The following TRIP4 variants were observed in gnomAD, a reference collection of about 807,000 sequenced individuals.
The protein encoded by TRIP4 is thyroid hormone receptor interactor 4.
A neutral mutation model predicts 81.8 loss-of-function variants in TRIP4; 54 were observed. The observed-to-expected ratio is 0.66, with a 90% CI of 0.53 to 0.83. The LOEUF is 0.83. Among genes scored for constraint, TRIP4 ranks in the 40% least tolerant of loss-of-function variants. The pLI is 0.00. For synonymous variants in TRIP4, 270 were observed against 242.8 expected, an observed-to-expected ratio of 1.11 and a Z score of -1.04; for missense variants, 662 against 683.6, an observed-to-expected ratio of 0.97 and a Z score of 0.35.
Position 64,455,067 on chromosome 15 carries a change from C to T in TRIP4, c.*3C>T, listed in dbSNP as rs762516750. On this transcript the variant is annotated 3_prime_UTR_variant, in exon 13 of 13. Coordinates refer to ENST00000261884, the MANE Select transcript of TRIP4 (RefSeq NM_016213.5). ...TGAAGCAGAATAAAGCTGTCTGACCCAGGAGAAAAGGAACTATACAGCATA... is the reference window on the plus strand; with the variant it reads ...TGAAGCAGAATAAAGCTGTCTGACCTAGGAGAAAAGGAACTATACAGCATA... The T allele has an allele frequency of 2.5e-6, 4 of 1,613,884 alleles. No individual in the cohort carries two copies. The Admixed American group carries it at 5.0e-5, about 20-fold the overall frequency.
chr15:64,410,698 A>G (rs988016226), intron 7 of TRIP4, among the ~76,000 whole-genome samples: 4 of 152,210 alleles, frequency 2.6e-5, no homozygotes, highest in Admixed American at 1.3e-4. Flanking sequence ...CTTCCTAAGC[A>G]AGATACAAAA....
chr15:64,408,397 T>A (rs1322210290), intron 6 of TRIP4, among the ~76,000 whole-genome samples: 1 of 151,262 alleles, frequency 6.6e-6, no homozygotes, highest in African/African-American at 2.4e-5. Context: ...TAGCTGGGAC[T>A]ACAGGCGCCC....
intron 11 of TRIP4, among the ~76,000 whole-genome samples, chr15:64,432,919 ATAAAAAT>A (rs1163076678): frequency 1.3e-5 from 2 of 150,338 alleles, no homozygotes; most frequent in Non-Finnish European, 3.0e-5. Flanking sequence ...TCAAAAATAA[ATAAAAAT>A]AAATAAATAA....
intron 4 of TRIP4, 109 bp from the exon 5 acceptor site, chr15:64,400,634 C>T (rs1341647778): frequency 7.5e-6 from 6 of 797,502 alleles, no homozygotes; most frequent in African/African-American, 6.9e-5. Flanking sequence ...CCAATAGTCT[C>T]ATTATTTTAT....
chr15:64,454,696 T>C (rs565911797), intron 12 of TRIP4, among the ~76,000 whole-genome samples: 1 of 152,316 alleles, frequency 6.6e-6, no homozygotes, highest in South Asian at 2.1e-4. Context: ...AAATTTGCCG[T>C]AGCATCAAAC....
chr15:64,440,061 AT>A (rs1892483354), intron 11 of TRIP4, among the ~76,000 whole-genome samples: 1 of 151,676 alleles, frequency 6.6e-6, no homozygotes, highest in African/African-American at 2.4e-5. Context: ...ATTTATATAT[AT>A]ATACATATTT....
chr15:64,410,983 A>G (rs1891750570), intron 7 of TRIP4, among the ~76,000 whole-genome samples: 1 of 152,158 alleles, frequency 6.6e-6, no homozygotes, highest in African/African-American at 2.4e-5. Context: ...CAATATATCA[A>G]TTTTCTTTGG....
At chr15:64,419,585 C>T (rs1413987403) in intron 9 of TRIP4, among the ~76,000 whole-genome samples, 1 of 151,770 alleles carries the variant, frequency 6.6e-6, no homozygotes, top group Non-Finnish European at 1.5e-5. Flanking sequence ...GTCTCGATCT[C>T]CTGACCTCGT....
intron 11 of TRIP4, among the ~76,000 whole-genome samples, chr15:64,428,017 TAC>T (rs1347136937): frequency 3.9e-5 from 6 of 152,126 alleles, no homozygotes; most frequent in Admixed American, 3.9e-4. Context: ...GTGTAGGCTT[TAC>T]AGTTTTAGAG....
chr15:64,438,195 C>A (rs1596359308), intron 11 of TRIP4, among the ~76,000 whole-genome samples: 1 of 152,170 alleles, frequency 6.6e-6, no homozygotes, highest in Non-Finnish European at 1.5e-5. Flanking sequence ...TTGAGTCAGA[C>A]TAGCCATTGG....
intron 12 of TRIP4, among the ~76,000 whole-genome samples, chr15:64,451,309 C>T (rs1265667197): frequency 6.6e-6 from 1 of 151,468 alleles, no homozygotes; most frequent in South Asian, 2.1e-4. Context: ...GACGGGGTTT[C>T]GCCATGTTGG....
chr15:64,407,059 C>G (rs1005390429), intron 6 of TRIP4, among the ~76,000 whole-genome samples: 1 of 150,936 alleles, frequency 6.6e-6, no homozygotes, highest in African/African-American at 2.4e-5. Context: ...ATTTTTTTTT[C>G]TTTTGAAAAA....
intron 6 of TRIP4, among the ~76,000 whole-genome samples, chr15:64,409,168 G>A (rs1203892546): frequency 6.6e-6 from 1 of 150,706 alleles, no homozygotes; most frequent in Non-Finnish European, 1.5e-5. Context: ...TCCAGCCTGA[G>A]CGACAGAACG....
chr15:64,412,270 C>T (rs905321962), intron 7 of TRIP4, among the ~76,000 whole-genome samples: 1 of 152,102 alleles, frequency 6.6e-6, no homozygotes, highest in Non-Finnish European at 1.5e-5. Flanking sequence ...TCAGACCTCA[C>T]TCTCCCCACG....
chr15:64,406,483 A>T (rs908203596), intron 6 of TRIP4, 24 bp downstream of exon 6: 5 of 1,607,684 alleles, frequency 3.1e-6, no homozygotes, highest in Non-Finnish European at 4.2e-6. Context: ...AGAATAACAA[A>T]TGCTAAGAAA....
intron 12 of TRIP4, among the ~76,000 whole-genome samples, chr15:64,448,482 G>C (rs768319896): frequency 6.6e-6 from 1 of 152,092 alleles, no homozygotes; most frequent in African/African-American, 2.4e-5. Flanking sequence ...ATTTTATTTT[G>C]AGATGGGGTC....
Position 64,418,604 on chromosome 15 carries a change from G to A in TRIP4, c.1234G>A (p.Glu412Lys), listed in dbSNP as rs202181385. 11 of 1,613,592 alleles carry A rather than the reference G, an allele frequency of 6.8e-6. No homozygotes were observed. The highest frequency in any genetic ancestry group is 8.5e-6 in the Non-Finnish European group (10 of 1,180,030). The change falls in exon 9 of 13, where the codon GAG (glutamate) becomes AAG (lysine). Residue 412 changes from glutamate (E) to lysine (K), a missense_variant. Physicochemically the swap from Glu to Lys is moderately conservative, Grantham distance 56. Coordinates refer to ENST00000261884, the MANE Select transcript of TRIP4 (RefSeq NM_016213.5). ...TTTCCGTTCTTCAGGATTTGGACTA[G>A]AGTTCAACTCATTTCAGCACCAGTT... ...KAFRSSGFGLEFNSFQHQLRI... is the reference protein window; with the variant it reads ...KAFRSSGFGLKFNSFQHQLRI...
At chr15:64,448,935 C>A (rs1268691042) in intron 12 of TRIP4, among the ~76,000 whole-genome samples, 2 of 152,092 alleles carry the variant, frequency 1.3e-5, no homozygotes, top group Non-Finnish European at 2.9e-5. Flanking sequence ...CTTGGTCAGG[C>A]ACAGTGGCTC....
intron 1 of TRIP4, among the ~76,000 whole-genome samples, chr15:64,388,401 G>C (rs1036057810): frequency 1.3e-5 from 2 of 152,164 alleles, no homozygotes; most frequent in Admixed American, 6.5e-5. Flanking sequence ...CCGCCTTCCG[G>C]GTTCAGGTGA....
Sources: gnomAD v4.1 joint callset for allele counts (sites outside exome capture counted in the v4.1 genomes callset) on GRCh38, gnomAD v4.1.1 for gene constraint, MANE v1.5 for transcripts, NCBI Gene and HGNC (gene_info 2026-07-23, HGNC 2026-07-21) for gene names.